Variants in RBPMS2 observed in about 807,000 individuals in gnomAD.
The protein encoded by RBPMS2 is RNA binding protein, mRNA processing factor 2, also known as RNA-binding protein with multiple splicing 2.
In RBPMS2, 14 loss-of-function variants were observed where a neutral mutation model predicts 25.7. The observed-to-expected ratio is 0.55, with a 90% CI of 0.36 to 0.85. The LOEUF (loss-of-function observed/expected upper bound fraction) is 0.85, where lower values mean the gene tolerates loss of function less well. Ranked by LOEUF, RBPMS2 falls within the 40% of genes least tolerant of loss-of-function variation. The pLI, the probability that RBPMS2 is intolerant of heterozygous loss-of-function variation, is 0.01. For missense variants in RBPMS2, 252 were observed against 283.4 expected, an observed-to-expected ratio of 0.89 and a Z score of 0.80; for synonymous variants, 127 against 115.6, an observed-to-expected ratio of 1.10 and a Z score of -0.63.
chr15:64,744,793 G>GTGT (rs2083600267), intron 6 of RBPMS2, among the ~76,000 whole-genome samples: 1 of 57,796 alleles, frequency 1.7e-5, no homozygotes, highest in African/African-American at 8.7e-5. Context: ...TTTTTGGTTT[G>GTGT]TTTTGTTTTT....
intron 1 of RBPMS2, among the ~76,000 whole-genome samples, chr15:64,753,911 C>A (rs1052289116): frequency 2.0e-5 from 3 of 152,142 alleles, no homozygotes; most frequent in Non-Finnish European, 4.4e-5. Context: ...GGCCTCTCTG[C>A]CCTTTGATGT....
intron 1 of RBPMS2, among the ~76,000 whole-genome samples, chr15:64,763,500 G>C (rs1038413859): frequency 3.3e-5 from 5 of 152,156 alleles, no homozygotes; most frequent in Admixed American, 1.3e-4. Context: ...CTGGTGTTCT[G>C]CCTGCCCCTG....
At chr15:64,763,014 G>C (rs1567069519) in intron 1 of RBPMS2, among the ~76,000 whole-genome samples, 1 of 151,344 alleles carries the variant, frequency 6.6e-6, no homozygotes, top group Non-Finnish European at 1.5e-5. Context: ...AGAAACGTCA[G>C]GGCAGTCATA....
intron 1 of RBPMS2, among the ~76,000 whole-genome samples, chr15:64,766,412 G>A (rs1178762195): frequency 6.6e-6 from 1 of 152,160 alleles, no homozygotes; most frequent in Non-Finnish European, 1.5e-5. Flanking sequence ...CTCCATCAAA[G>A]GGTGGAATAT....
rs150604668 is a variant in RBPMS2, at chr15:64,748,436, C to T, written c.550G>A (p.Ala184Thr). The T allele has an allele frequency of 6.7e-4, 1,077 of 1,613,886 alleles. 3 individuals are homozygous for T. In the African/African-American group the frequency reaches 9.4e-3, roughly 14 times the overall value. ...FTYPTATAAA[A>T]ALHAQVRWYP... ...GGGCTTACCTGAGCGTGGAGGGCGG[C>T]GGCAGCGGCAGTGGCAGTTGGGTAG... is the stretch of plus-strand genomic sequence containing the variant. The change falls in exon 6 of 8, where the codon GCC becomes ACC. Residue 184 changes from alanine (A) to threonine (T), a missense_variant. Transcript: ENST00000300069.
intron 1 of RBPMS2, among the ~76,000 whole-genome samples, chr15:64,752,109 G>A (rs957225113): frequency 6.6e-6 from 1 of 151,400 alleles, no homozygotes; most frequent in Non-Finnish European, 1.5e-5. Context: ...GGATTACTGG[G>A]GTACACCACC....
At chr15:64,746,706 G>A (rs1045779381) in intron 6 of RBPMS2, among the ~76,000 whole-genome samples, 1 of 152,198 alleles carries the variant, frequency 6.6e-6, no homozygotes, top group African/African-American at 2.4e-5. Flanking sequence ...TGATTCATTT[G>A]ACAAACTCAT....
In RBPMS2 at chr15:64,755,863, G is replaced by A. The variant is rs945598862; in HGVS notation, c.88-4225C>T. On this transcript the variant is annotated intron_variant, in intron 1 of 7. Coordinates refer to ENST00000300069, the MANE Select transcript of RBPMS2 (RefSeq NM_194272.3). The stretch of plus-strand genomic sequence containing the variant: ...CACCCACTCCAGGGCCCTGACAAGC[G>A]TCCACAAGGCTGCCTGCACTGCCCC... Among the ~76,000 whole-genome samples the A allele has an allele frequency of 5.2e-5, 7 of 134,282 alleles. 1 individual carries two copies. The highest frequency in any genetic ancestry group is 1.9e-4 in the African/African-American group (7 of 36,630). The allele number at this position is 134,282 out of a possible 152,430, so 88.1% of individuals were successfully genotyped here.
At chr15:64,752,931 A>G (rs1004772891) in intron 1 of RBPMS2, among the ~76,000 whole-genome samples, 2 of 151,904 alleles carry the variant, frequency 1.3e-5, no homozygotes, top group African/African-American at 4.8e-5. Context: ...AATTTTGAGC[A>G]TTGCCCCCAA....
intron 1 of RBPMS2, among the ~76,000 whole-genome samples, chr15:64,766,063 G>C (rs2083843531): frequency 6.6e-6 from 1 of 152,064 alleles, no homozygotes; most frequent in African/African-American, 2.4e-5. Flanking sequence ...TGCACTAAAA[G>C]ATAGTTGAGG....
intron 6 of RBPMS2, among the ~76,000 whole-genome samples, chr15:64,741,589 C>A (rs1387954327): frequency 6.6e-6 from 1 of 152,222 alleles, no homozygotes; most frequent in African/African-American, 2.4e-5. Flanking sequence ...ACTGACACAG[C>A]ACGGAATTCC....
chr15:64,765,688 G>C (rs139944825), intron 1 of RBPMS2, among the ~76,000 whole-genome samples: 1 of 152,198 alleles, frequency 6.6e-6, no homozygotes, highest in East Asian at 1.9e-4. Context: ...GCTCACACCT[G>C]TAATCCCAGC....
rs1170110201 is a variant in RBPMS2, at chr15:64,775,287, G to A, written c.33C>T (p.Gly11=). 3.4e-5 allele frequency: 46 copies of A among 1,353,042 alleles called. No homozygotes were observed. The highest frequency in any genetic ancestry group is 3.9e-5 in the Non-Finnish European group (41 of 1,045,758). The allele number at this position is 1,353,042 out of a possible 1,614,324, so 83.8% of individuals were successfully genotyped here. A position where few individuals can be genotyped will look rare whatever the true frequency, so the allele number is the denominator to read the frequency against. MSNLKPDGEH[G]GSTGTGSGAG... Reference sequence around the variant, plus strand: ...CGCCGGAGCCGGTGCCGGTGCTGCCGCCGTGCTCGCCGTCCGGCTTCAGGT... The same window carrying A: ...CGCCGGAGCCGGTGCCGGTGCTGCCACCGTGCTCGCCGTCCGGCTTCAGGT... Residue 11 remains glycine, a synonymous_variant, in exon 1 of 8, where the codon GGC becomes GGT. Coordinates refer to ENST00000300069, the MANE Select transcript of RBPMS2 (RefSeq NM_194272.3).
At chr15:64,771,780 T>C (rs544100101) in intron 1 of RBPMS2, among the ~76,000 whole-genome samples, 1 of 151,828 alleles carries the variant, frequency 6.6e-6, no homozygotes, top group East Asian at 1.9e-4. Flanking sequence ...GCCAACATGG[T>C]GAAATCCTGT....
At chr15:64,767,457 A>T (rs556184915) in intron 1 of RBPMS2, among the ~76,000 whole-genome samples, 1 of 152,306 alleles carries the variant, frequency 6.6e-6, no homozygotes, top group East Asian at 1.9e-4. Context: ...AGTTCTGGGT[A>T]ATCTTGGACC....
At chr15:64,759,207 G>A (rs1395310084) in intron 1 of RBPMS2, among the ~76,000 whole-genome samples, 2 of 152,168 alleles carry the variant, frequency 1.3e-5, no homozygotes, top group East Asian at 3.9e-4. Flanking sequence ...CACCTGGGTG[G>A]CACAGGAAGT....
In RBPMS2 at chr15:64,756,648, CT is replaced by C. The variant is rs532762359; in HGVS notation, c.88-5011del. On this transcript the variant is annotated intron_variant, in intron 1 of 7. Transcript: ENST00000300069. Reference sequence around the variant, plus strand: ...TCTTATTTTTATTTATTTTTCATTTCTTTTTTTTTTTTTTATGGAGTCTCGC... The same window carrying C: ...TCTTATTTTTATTTATTTTTCATTTCTTTTTTTTTTTTTATGGAGTCTCGC... Among the ~76,000 whole-genome samples, 980 of 140,940 alleles carry C rather than the reference CT, an allele frequency of 7.0e-3. 7 individuals carry two copies. Among genetic ancestry groups the C allele is most frequent in the East Asian group, 0.031 (154 of 4,924 alleles). 92.5% of individuals were successfully genotyped at this position (140,940 alleles called of 152,430 possible). A position where few individuals can be genotyped will look rare whatever the true frequency, so the allele number is the denominator to read the frequency against.
chr15:64,750,203 C>G, intron 3 of RBPMS2, 140 bp downstream of exon 3: 7 of 787,840 alleles, frequency 8.9e-6, no homozygotes, highest in Non-Finnish European at 2.3e-6. Flanking sequence ...ACAGAGGCTG[C>G]TCTGTCAGAA....
chr15:64,757,274 C>T (rs2083741532), intron 1 of RBPMS2, among the ~76,000 whole-genome samples: 1 of 152,116 alleles, frequency 6.6e-6, no homozygotes, highest in Non-Finnish European at 1.5e-5. Flanking sequence ...TGCCTGGCCT[C>T]AGTTTCATCT....
Sources: allele counts gnomAD v4.1 joint callset (sites outside exome capture counted in the v4.1 genomes callset), GRCh38; gene constraint gnomAD v4.1.1; transcripts MANE v1.5; gene names NCBI Gene and HGNC (gene_info 2026-07-23, HGNC 2026-07-21).